The following MAP1LC3B2 variants were observed in gnomAD, a reference collection of about 807,000 sequenced individuals.
MAP1LC3B2 encodes the protein microtubule-associated protein 1 light chain 3 beta 2.
For synonymous variants in MAP1LC3B2, 62 were observed against 57.8 expected, an observed-to-expected ratio of 1.07 and a Z score of -0.33; for missense variants, 155 against 154.6, an observed-to-expected ratio of 1.00 and a Z score of -0.01.
chr12:116,560,226 A>ATATATATATATATGTATGTATATG (rs1869231367), intron 1 of MAP1LC3B2: 6 of 101,096 alleles, frequency 5.9e-5, no homozygotes, highest in African/African-American at 2.4e-4. Flanking sequence ...ATATATATAT[A>ATATATATATATATGTATGTATATG]TATATATATA....
intron 1 of MAP1LC3B2, among the ~76,000 whole-genome samples, chr12:116,568,929 C>T (rs1869456897): frequency 6.7e-6 from 1 of 150,274 alleles, no homozygotes; most frequent in Non-Finnish European, 1.5e-5. Context: ...GGCGCATCTC[C>T]ACTCACTGCA....
rs998816398 is a variant in MAP1LC3B2 at position 116,568,051 on chromosome 12, G to A, written c.-101-7791G>A. On this transcript the variant is annotated intron_variant, in intron 1 of 1. Coordinates refer to ENST00000556529, the MANE Select transcript of MAP1LC3B2 (RefSeq NM_001085481.3). Reference sequence around the variant, plus strand: ...CGAAAGAATGATTAAGTGAGTAAATGTGAATCTCCAGTCAGGCCTAACCTA... The same window carrying A: ...CGAAAGAATGATTAAGTGAGTAAATATGAATCTCCAGTCAGGCCTAACCTA... 2.0e-5 allele frequency among the ~76,000 whole-genome samples: 3 copies of A among 152,240 alleles called. No homozygotes were observed. In the East Asian group the frequency reaches 5.8e-4, roughly 29 times the overall value.
At chr12:116,566,789 G>C (rs1312021376) in intron 1 of MAP1LC3B2, among the ~76,000 whole-genome samples, 1 of 150,544 alleles carries the variant, frequency 6.6e-6, no homozygotes, top group Non-Finnish European at 1.5e-5. Context: ...AAATGTGCTG[G>C]GCGTGGTGGT....
At chr12:116,563,045 C>T (rs1388625169) in intron 1 of MAP1LC3B2, among the ~76,000 whole-genome samples, 2 of 152,036 alleles carry the variant, frequency 1.3e-5, no homozygotes, top group Non-Finnish European at 2.9e-5. Flanking sequence ...TACCACAACC[C>T]CTGCCTCCTA....
rs1566022561 is a variant in MAP1LC3B2, at chr12:116,560,212, A to ATGTATGTATG, written c.-102+780_-102+781insGTATGTATGT. On this transcript the variant is annotated intron_variant, in intron 1 of 1. Transcript: ENST00000556529. Reference sequence around the variant, plus strand: ...GCTATATATATATATATATATATATATATATATATATATATATATATATAT... The same window carrying ATGTATGTATG: ...GCTATATATATATATATATATATATATGTATGTATGTATATATATATATATATATATATAT... 21 of 82,220 alleles carry ATGTATGTATG rather than the reference A, an allele frequency of 2.6e-4. 1 individual carries two copies. In the East Asian group the frequency reaches 5.6e-3, roughly 22 times the overall value. The allele number at this position is 82,220 out of a possible 1,614,324, so 5.1% of individuals were successfully genotyped here.
chr12:116,559,448 C>CTGCCTCCCA lies in MAP1LC3B2; in HGVS notation c.-102+16_-102+24dup, dbSNP rs1182480684. ...TGTGCCAGCGGGTAGGAATATGTAG[C>CTGCCTCCCA]TGCCTCCCAGCCCCAGGGTGGAAAT... is the stretch of plus-strand genomic sequence containing the variant. On this transcript the variant is annotated intron_variant, in intron 1 of 1. Coordinates refer to ENST00000556529, the MANE Select transcript of MAP1LC3B2 (RefSeq NM_001085481.3). 6 of 152,318 alleles carry CTGCCTCCCA rather than the reference C, an allele frequency of 3.9e-5. No individual in the cohort carries two copies. Among genetic ancestry groups the CTGCCTCCCA allele is most frequent in the African/African-American group, 1.4e-4 (6 of 41,448 alleles). 9.4% of individuals were successfully genotyped at this position (152,318 alleles called of 1,614,324 possible).
intron 1 of MAP1LC3B2, chr12:116,559,999 C>T (rs1274194921): frequency 6.6e-6 from 1 of 151,294 alleles, no homozygotes; most frequent in Non-Finnish European, 1.5e-5. Flanking sequence ...GCATCATGCA[C>T]CTTCCAGAAA....
chr12:116,567,953 G>C (rs534922634), intron 1 of MAP1LC3B2, among the ~76,000 whole-genome samples: 304 of 152,170 alleles, frequency 2.0e-3, no homozygotes, highest in African/African-American at 6.8e-3. Context: ...AAACGATCAT[G>C]TTCCCCATTG....
chr12:116,567,612 G>A (rs563081411), intron 1 of MAP1LC3B2, among the ~76,000 whole-genome samples: 7 of 152,094 alleles, frequency 4.6e-5, no homozygotes, highest in Non-Finnish European at 1.0e-4. Context: ...GCCAGGTGTG[G>A]TGGCACATGC....
intron 1 of MAP1LC3B2, among the ~76,000 whole-genome samples, chr12:116,568,870 T>C (rs879841470): frequency 8.3e-4 from 82 of 99,206 alleles, no homozygotes; most frequent in Admixed American, 3.4e-3. Context: ...TTTTCTTTCT[T>C]TTTTTTTTTT....
At chr12:116,562,757 C>T (rs151038731) in intron 1 of MAP1LC3B2, among the ~76,000 whole-genome samples, 61 of 152,282 alleles carry the variant, frequency 4.0e-4, no homozygotes, top group African/African-American at 1.3e-3. Flanking sequence ...ATCTGAAATA[C>T]TATATAGCTC....
intron 1 of MAP1LC3B2, among the ~76,000 whole-genome samples, chr12:116,566,698 G>C (rs564198683): frequency 1.3e-5 from 2 of 148,182 alleles, no homozygotes; most frequent in East Asian, 4.0e-4. Context: ...TTAGGAGACC[G>C]AGTCAGGCAG....
intron 1 of MAP1LC3B2, among the ~76,000 whole-genome samples, chr12:116,562,091 C>T (rs1006647078): frequency 1.3e-5 from 2 of 152,106 alleles, no homozygotes; most frequent in African/African-American, 4.8e-5. Context: ...AAATAGTTGC[C>T]GAAACTCGTA....
At chr12:116,570,446 G>A (rs891183578) in intron 1 of MAP1LC3B2, among the ~76,000 whole-genome samples, 2 of 152,170 alleles carry the variant, frequency 1.3e-5, no homozygotes, top group African/African-American at 4.8e-5. Flanking sequence ...TGATATGGTT[G>A]GGCTGTGTCT....
chr12:116,561,093 G>A (rs1869261292), intron 1 of MAP1LC3B2, among the ~76,000 whole-genome samples: 1 of 150,186 alleles, frequency 6.7e-6, no homozygotes, highest in African/African-American at 2.5e-5. Flanking sequence ...CTCCAGCTTG[G>A]GCAACAGAGC....
intron 1 of MAP1LC3B2, among the ~76,000 whole-genome samples, chr12:116,566,631 A>C (rs1190891050): frequency 6.9e-6 from 1 of 143,952 alleles, no homozygotes. Flanking sequence ...AAAAAAAAAA[A>C]AAAAAAAACA....
chr12:116,567,998 C>T (rs1023279429), intron 1 of MAP1LC3B2, among the ~76,000 whole-genome samples: 9 of 152,154 alleles, frequency 5.9e-5, no homozygotes, highest in African/African-American at 2.2e-4. Flanking sequence ...CTGATCTGCA[C>T]TAGGTGTTCA....
rs1382268164 is a variant in MAP1LC3B2 at position 116,573,587 on chromosome 12, G to A, written c.-101-2255G>A. Among the ~76,000 whole-genome samples the A allele has an allele frequency of 3.3e-5, 5 of 152,010 alleles. No homozygotes were observed. The East Asian group carries it at 9.6e-4, about 29-fold the overall frequency. ...GCTAGAGTGCAGTGGCGTGATCTCG[G>A]CTCACTGCAACCTCTGCCTCCTGGA... is the stretch of plus-strand genomic sequence containing the variant. On this transcript the variant is annotated intron_variant, in intron 1 of 1. Transcript: ENST00000556529.
intron 1 of MAP1LC3B2, among the ~76,000 whole-genome samples, chr12:116,568,181 G>A (rs900713137): frequency 3.9e-5 from 6 of 152,120 alleles, no homozygotes; most frequent in Admixed American, 2.6e-4. Context: ...CAATAGATGC[G>A]ACCCTTTGTG....
Sources: gnomAD v4.1 joint callset for allele counts (sites outside exome capture counted in the v4.1 genomes callset) on GRCh38, gnomAD v4.1.1 for gene constraint, MANE v1.5 for transcripts, NCBI Gene and HGNC (gene_info 2026-07-23, HGNC 2026-07-21) for gene names.